Variants in CARNMT1 observed in about 807,000 individuals in gnomAD.
CARNMT1 encodes the protein protein-L-histidine N-pros-methyltransferase CARNMT1.
A neutral mutation model predicts 49.6 loss-of-function variants in CARNMT1; 28 were observed. The observed-to-expected ratio is 0.56, with a 90% CI of 0.42 to 0.77. The LOEUF (loss-of-function observed/expected upper bound fraction) is 0.77, where lower values mean the gene tolerates loss of function less well. Among genes scored for constraint, CARNMT1 ranks in the 30% least tolerant of loss-of-function variants. The pLI is 0.00. For synonymous variants in CARNMT1, 178 were observed against 175.0 expected (o/e 1.02, Z -0.13); for missense variants, 421 against 512.6 (o/e 0.82, Z 1.73).
intron 6 of CARNMT1, among the ~76,000 whole-genome samples, chr9:74,986,338 G>A (rs1215128475): frequency 6.6e-6 from 1 of 151,978 alleles, no homozygotes; most frequent in African/African-American, 2.4e-5. Flanking sequence ...CTACATAAAC[G>A]ACTAGAAAAA....
At chr9:75,018,716 T>C (rs954622945) in intron 1 of CARNMT1, among the ~76,000 whole-genome samples, 2 of 152,092 alleles carry the variant, frequency 1.3e-5, no homozygotes, top group African/African-American at 4.8e-5. Flanking sequence ...CTGTAATCCC[T>C]TGGCACTTTG....
intron 5 of CARNMT1, 124 bp downstream of exon 5, chr9:74,998,474 A>T (rs1833260494): frequency 1.4e-6 from 1 of 694,796 alleles, no homozygotes; most frequent in East Asian, 3.0e-5. Flanking sequence ...TTCTAAATTG[A>T]CACTGACATA....
At chr9:74,996,291 C>G in intron 6 of CARNMT1, 156 bp downstream of exon 6, 1 of 536,028 alleles carries the variant, frequency 1.9e-6, no homozygotes, top group East Asian at 3.1e-5. Context: ...GAGGGATCAC[C>G]ACCAGGATGC....
chr9:74,997,090 G>A (rs4745373), intron 5 of CARNMT1, among the ~76,000 whole-genome samples: 48,209 of 151,932 alleles, frequency 0.32, 8,436 homozygotes, highest in Non-Finnish European at 0.39. Context: ...GAACCCAGTA[G>A]AGAACACCGT....
At chr9:75,002,976 A>T (rs997230957) in intron 3 of CARNMT1, among the ~76,000 whole-genome samples, 10 of 152,002 alleles carry the variant, frequency 6.6e-5, no homozygotes, top group African/African-American at 2.4e-4. Flanking sequence ...GGGCTCAAGT[A>T]ACCTACCCAC....
At chr9:75,028,348 C>A (rs1042127430), upstream of CARNMT1, 300 of 1,304,986 alleles carry the variant, frequency 2.3e-4, 1 homozygote, top group Admixed American at 6.8e-4. Context: ...GACATGCCCC[C>A]AGCTCGCGGC....
chr9:75,024,264 G>A (rs1012554515), intron 1 of CARNMT1, among the ~76,000 whole-genome samples: 7 of 152,146 alleles, frequency 4.6e-5, no homozygotes, highest in Non-Finnish European at 7.3e-5. Flanking sequence ...TTAAATTTGT[G>A]TTACTAGTAT....
intron 6 of CARNMT1, among the ~76,000 whole-genome samples, chr9:74,995,635 G>A (rs151232556): frequency 6.6e-6 from 1 of 152,088 alleles, no homozygotes; most frequent in Admixed American, 6.6e-5. Context: ...AAGAGAGTAG[G>A]TGTCAGAAAT....
intron 6 of CARNMT1, among the ~76,000 whole-genome samples, chr9:74,988,241 T>C (rs1832905958): frequency 6.6e-6 from 1 of 151,990 alleles, no homozygotes; most frequent in South Asian, 2.1e-4. Context: ...TTAGTGGCCA[T>C]AACAGAAGGA....
chr9:74,989,378 T>C (rs143031343), intron 6 of CARNMT1, among the ~76,000 whole-genome samples: 389 of 152,138 alleles, frequency 2.6e-3, no homozygotes, highest in African/African-American at 8.7e-3. Flanking sequence ...ACCTCAGGAG[T>C]TGTCAGGATT....
chr9:74,998,691 T>C lies in CARNMT1; in HGVS notation c.817A>G (p.Ile273Val), dbSNP rs112732711. 1.9e-5 allele frequency: 31 copies of C among 1,609,182 alleles called. No individual in the cohort carries two copies. The highest frequency in any genetic ancestry group is 8.0e-5 in the African/African-American group (6 of 74,896). ...NRRSADQIRP[I>V]FFPDVDPHSL... The stretch of plus-strand genomic sequence containing the variant: ...TGGGGGTCAACATCAGGGAAAAAGA[T>C]GGGTCGAATCTGATCAGCTGATCTC... The change falls in exon 5 of 8, where the codon ATC becomes GTC. Residue 273 changes from isoleucine (I) to valine (V), a missense_variant. Physicochemically the swap from Ile to Val is conservative, Grantham distance 29. This residue lies in a region of CARNMT1 where 235 missense variants were observed against 344.8 expected (regional missense o/e 0.68). Transcript: ENST00000376834.
At chr9:74,995,068 T>TAA (rs201220419) in intron 6 of CARNMT1, among the ~76,000 whole-genome samples, 2 of 150,908 alleles carry the variant, frequency 1.3e-5, no homozygotes, top group African/African-American at 2.4e-5. Flanking sequence ...AAACAAATGT[T>TAA]AAAAAAAAAG....
At chr9:75,023,276 CAGA>C (rs767670111) in intron 1 of CARNMT1, among the ~76,000 whole-genome samples, 28 of 152,128 alleles carry the variant, frequency 1.8e-4, no homozygotes, top group Non-Finnish European at 3.4e-4. Flanking sequence ...CACCTCTAAT[CAGA>C]AGAATTATTC....
At chr9:74,989,408 T>A (rs1462974304) in intron 6 of CARNMT1, among the ~76,000 whole-genome samples, 1 of 152,178 alleles carries the variant, frequency 6.6e-6, no homozygotes, top group Admixed American at 6.5e-5. Context: ...AGCTACGTCA[T>A]CCAGTTTTTT....
At position 74,994,136 on chromosome 9, in the gene CARNMT1, C is replaced by T. The variant is rs190417286; in HGVS notation, c.1024+2311G>A. ...ACTCATGCTCTCATTCACTCCTTCT[C>T]CCTCTATGCACAACCAAAGAAAGGC... On this transcript the variant is annotated intron_variant, in intron 6 of 7. Coordinates refer to ENST00000376834, the MANE Select transcript of CARNMT1 (RefSeq NM_152420.3). Among the ~76,000 whole-genome samples the T allele has an allele frequency of 3.5e-3, 533 of 152,296 alleles. 1 individual carries two copies. The highest frequency in any genetic ancestry group is 0.012 in the African/African-American group (505 of 41,568).
At chr9:75,023,135 C>CAAAAAAAAAAAA (rs1028060302) in intron 1 of CARNMT1, among the ~76,000 whole-genome samples, 1 of 65,396 alleles carries the variant, frequency 1.5e-5, no homozygotes. Flanking sequence ...GAGCAAGACT[C>CAAAAAAAAAAAA]AAAAAAAAAA....
At position 75,016,243 on chromosome 9, in the gene CARNMT1, T is replaced by G. The variant is rs764153468; in HGVS notation, c.590+25A>C. 4 of 1,553,258 alleles carry G rather than the reference T, an allele frequency of 2.6e-6. No homozygotes were observed. In the Admixed American group the frequency reaches 7.0e-5, roughly 27 times the overall value. Reference sequence around the variant, plus strand: ...CAAGTGTTCATACACTTTAAAAACTTGGTTAAAAATGAGGTACTATTTACC... The same window carrying G: ...CAAGTGTTCATACACTTTAAAAACTGGGTTAAAAATGAGGTACTATTTACC... On this transcript the variant is annotated intron_variant, in intron 3 of 7. Coordinates refer to ENST00000376834, the MANE Select transcript of CARNMT1 (RefSeq NM_152420.3).
chr9:75,009,980 T>C (rs1051327752), intron 3 of CARNMT1: 5 of 151,954 alleles, frequency 3.3e-5, no homozygotes, highest in African/African-American at 4.8e-5. Flanking sequence ...TACAAAGAGA[T>C]AGGGAATTTG....
intron 6 of CARNMT1, among the ~76,000 whole-genome samples, chr9:74,986,356 T>G (rs1288088870): frequency 6.6e-6 from 1 of 152,204 alleles, no homozygotes; most frequent in African/African-American, 2.4e-5. Flanking sequence ...AAAATGACCA[T>G]GAATATAATG....
Sources: allele counts gnomAD v4.1 joint callset (sites outside exome capture counted in the v4.1 genomes callset), GRCh38; gene constraint gnomAD v4.1.1; regional missense constraint gnomAD v4.1.1; transcripts MANE v1.5; gene names NCBI Gene and HGNC (gene_info 2026-07-23, HGNC 2026-07-21).